PARD3B: variants seen among roughly 807,000 people sequenced by gnomAD.
PARD3B encodes par-3 family cell polarity regulator beta.
A neutral mutation model predicts 130.2 loss-of-function variants in PARD3B; 103 were observed. That is an observed-to-expected ratio of 0.79 (90% confidence interval 0.67 to 0.93). The LOEUF (loss-of-function observed/expected upper bound fraction) is 0.93, where lower values mean the gene tolerates loss of function less well. Ranked by LOEUF, PARD3B falls within the 40% of genes least tolerant of loss-of-function variation. The probability of loss-of-function intolerance (pLI) is 0.00; values close to 1 mark genes in which losing one functional copy is unlikely to be tolerated. For synonymous variants in PARD3B, 583 were observed against 553.2 expected, an observed-to-expected ratio of 1.05 and a Z score of -0.76; for missense variants, 1,609 against 1,499.2, an observed-to-expected ratio of 1.07 and a Z score of -1.21.
intron 10 of PARD3B, among the ~76,000 whole-genome samples, chr2:205,152,813 C>G (rs142031037): frequency 1.3e-5 from 2 of 152,114 alleles, no homozygotes; most frequent in Non-Finnish European, 2.9e-5. Context: ...TGAGGAGCTG[C>G]GATCCTTTGG....
At position 205,207,175 on chromosome 2, in the gene PARD3B, C is replaced by T. The variant is rs1460161327; in HGVS notation, c.2140+13855C>T. On this transcript the variant is annotated intron_variant, in intron 15 of 22. Coordinates refer to ENST00000406610, the MANE Select transcript of PARD3B (RefSeq NM_001302769.2). ...AGATGTTCTTTGAAACCAACGAGAA[C>T]AAAGACACAACATACCAGAATCTCT... Among the ~76,000 whole-genome samples, 942 of 139,718 alleles carry T rather than the reference C, an allele frequency of 6.7e-3. 17 individuals are homozygous for T. Among genetic ancestry groups the T allele is most frequent in the Non-Finnish European group, 0.01 (665 of 65,262 alleles). The allele number at this position is 139,718 out of a possible 152,430, so 91.7% of individuals were successfully genotyped here. A position where few individuals can be genotyped will look rare whatever the true frequency, so the allele number is the denominator to read the frequency against.
intron 2 of PARD3B, among the ~76,000 whole-genome samples, chr2:204,816,335 A>G (rs2043146162): frequency 1.3e-5 from 2 of 151,894 alleles, no homozygotes; most frequent in Admixed American, 6.6e-5. Context: ...GTCTTACCAA[A>G]TCCGATGCTC....
At chr2:205,612,099 G>A (rs1346695763) in intron 22 of PARD3B, among the ~76,000 whole-genome samples, 1 of 152,168 alleles carries the variant, frequency 6.6e-6, no homozygotes, top group Non-Finnish European at 1.5e-5. Context: ...TAAAATTTTA[G>A]CTGCCTTTTC....
At chr2:205,521,993 A>AGGAGATTATTTTT (rs1227907928) in intron 21 of PARD3B, among the ~76,000 whole-genome samples, 2 of 152,012 alleles carry the variant, frequency 1.3e-5, no homozygotes, top group African/African-American at 2.4e-5. Flanking sequence ...TATTTGGAAA[A>AGGAGATTATTTTT]GGAGATTATT....
intron 4 of PARD3B, among the ~76,000 whole-genome samples, chr2:205,051,707 T>TA (rs1699202410): frequency 6.6e-6 from 1 of 152,202 alleles, no homozygotes; most frequent in African/African-American, 2.4e-5. Context: ...ATTGGTTATT[T>TA]AAGATGTACA....
intron 19 of PARD3B, among the ~76,000 whole-genome samples, chr2:205,403,103 A>G (rs933784143): frequency 2.0e-5 from 3 of 152,220 alleles, no homozygotes; most frequent in African/African-American, 4.8e-5. Flanking sequence ...AATGAAAAAA[A>G]ATAGAATAGA....
chr2:204,957,861 ATTAAGAT>A (rs940941337), intron 2 of PARD3B, among the ~76,000 whole-genome samples: 11 of 152,152 alleles, frequency 7.2e-5, no homozygotes, highest in Non-Finnish European at 1.6e-4. Flanking sequence ...AATTGTGTTT[ATTAAGAT>A]TTGAGACAAA....
intron 16 of PARD3B, among the ~76,000 whole-genome samples, chr2:205,248,834 C>G (rs1308661388): frequency 1.3e-5 from 2 of 151,702 alleles, no homozygotes; most frequent in Admixed American, 1.3e-4. Context: ...GTTTCGATCT[C>G]CTGACCTTGT....
At chr2:204,634,356 G>A (rs1449537070) in intron 1 of PARD3B, among the ~76,000 whole-genome samples, 1 of 152,144 alleles carries the variant, frequency 6.6e-6, no homozygotes, top group Non-Finnish European at 1.5e-5. Context: ...ACCCCATTGT[G>A]TATATATACC....
chr2:204,577,768 A>G (rs557295162), intron 1 of PARD3B, among the ~76,000 whole-genome samples: 3 of 151,396 alleles, frequency 2.0e-5, no homozygotes, highest in South Asian at 2.1e-4. Context: ...TCTTTTCTTT[A>G]TGTTTCTCAT....
chr2:205,543,285 T>C (rs1191081507), intron 21 of PARD3B, among the ~76,000 whole-genome samples: 2 of 152,066 alleles, frequency 1.3e-5, no homozygotes, highest in Non-Finnish European at 2.9e-5. Context: ...ATAACACATA[T>C]CTCCTTATTA....
rs1318018227 is a variant in PARD3B, at chr2:204,623,511, G to A, written c.121-62670G>A. Among the ~76,000 whole-genome samples the A allele has an allele frequency of 1.3e-5, 2 of 152,046 alleles. No individual in the cohort carries two copies. Among genetic ancestry groups the A allele is most frequent in the African/African-American group, 2.4e-5 (1 of 41,408 alleles). On this transcript the variant is annotated intron_variant, in intron 1 of 22. Coordinates refer to ENST00000406610, the MANE Select transcript of PARD3B (RefSeq NM_001302769.2). The surrounding 1 kb of genome is among the most constrained non-coding windows in gnomAD (Gnocchi z 4.5). ...TATCTCTATAATTTTGTCAATTAGA[G>A]TGTGTTGTGTAACTGAAATTATGCA... is the stretch of plus-strand genomic sequence containing the variant.
rs1482176391 is a variant in PARD3B at position 205,450,640 on chromosome 2, A to AT, written c.3044+9975dup. On this transcript the variant is annotated intron_variant, in intron 20 of 22. Coordinates refer to ENST00000406610, the MANE Select transcript of PARD3B (RefSeq NM_001302769.2). ...AGGCGCCTGCCACCACATCCGGCTA[A>AT]TTTTTTTGTATTTTTAGCAGAGACA... Among the ~76,000 whole-genome samples the AT allele has an allele frequency of 7.3e-5, 11 of 151,404 alleles. No individual in the cohort carries two copies. The East Asian group carries it at 1.7e-3, about 24-fold the overall frequency.
At chr2:204,982,649 A>G (rs1473672552) in intron 3 of PARD3B, among the ~76,000 whole-genome samples, 1 of 152,226 alleles carries the variant, frequency 6.6e-6, no homozygotes, top group Non-Finnish European at 1.5e-5. Flanking sequence ...AGCTCAAGCT[A>G]AAAGATTTTA....
intron 21 of PARD3B, among the ~76,000 whole-genome samples, chr2:205,506,392 A>C (rs1275000695): frequency 3.9e-5 from 6 of 152,202 alleles, no homozygotes; most frequent in Non-Finnish European, 7.3e-5. Flanking sequence ...GGGTTGGCTC[A>C]GGTAGATCAT....
chr2:205,014,778 C>A (rs10172766), intron 3 of PARD3B, among the ~76,000 whole-genome samples: 2 of 151,946 alleles, frequency 1.3e-5, no homozygotes, highest in South Asian at 2.1e-4. Context: ...TGAGAAGTGC[C>A]ACAAAGGCAA....
intron 18 of PARD3B, among the ~76,000 whole-genome samples, chr2:205,354,439 C>A (rs2044114376): frequency 6.6e-6 from 1 of 150,382 alleles, no homozygotes; most frequent in African/African-American, 2.4e-5. Flanking sequence ...TGCGCATATA[C>A]CCTAAAACTT....
rs1285462208 is a variant in PARD3B at position 204,686,281 on chromosome 2, A to AG, written c.222+1dup. On this transcript the variant is annotated frameshift_variant and splice_region_variant, in exon 2 of 23. Coordinates refer to ENST00000406610, the MANE Select transcript of PARD3B (RefSeq NM_001302769.2). LOFTEE classifies it high-confidence loss of function. ...GCAGATGTTGTTGAAGATAAAGACA[A>AG]GGTAGATAACTCTAAAAATGTGCCT... is the stretch of plus-strand genomic sequence containing the variant. 1 of 1,600,544 alleles carries AG rather than the reference A, an allele frequency of 6.2e-7. No homozygotes were observed.
chr2:205,317,431 A>G (rs902320451), intron 18 of PARD3B, among the ~76,000 whole-genome samples: 2 of 152,226 alleles, frequency 1.3e-5, no homozygotes, highest in African/African-American at 4.8e-5. Context: ...AATTCAGGAA[A>G]ATAGACCAAG....
Sources: gnomAD v4.1 joint callset for allele counts (sites outside exome capture counted in the v4.1 genomes callset) on GRCh38, gnomAD v4.1.1 for gene constraint, Gnocchi (gnomAD v3.1) non-coding constraint, MANE v1.5 for transcripts, NCBI Gene and HGNC (gene_info 2026-07-23, HGNC 2026-07-21) for gene names.